The following ZYG11B variants were observed in gnomAD, a reference collection of about 807,000 sequenced individuals.
ZYG11B encodes the protein zyg-11 family member B, cell cycle regulator.
ZYG11B carries 36 observed loss-of-function variants against 82.4 expected under a neutral mutation model. That is an observed-to-expected ratio of 0.44 (90% CI 0.33 to 0.58). The LOEUF is 0.58. Among genes scored for constraint, ZYG11B ranks in the 20% least tolerant of loss-of-function variants. The pLI is 0.02. For missense variants in ZYG11B, 552 were observed against 895.6 expected (o/e 0.62, Z 4.90); for synonymous variants, 303 against 312.8 (o/e 0.97, Z 0.33).
At chr1:52,790,483 C>T (rs971420792) in intron 6 of ZYG11B, among the ~76,000 whole-genome samples, 14 of 152,022 alleles carry the variant, frequency 9.2e-5, no homozygotes, top group Admixed American at 5.9e-4. Context: ...ATAATCCCAG[C>T]GCTTTAGGAG....
chr1:52,767,203 T>G (rs1218889623), intron 2 of ZYG11B, among the ~76,000 whole-genome samples: 1 of 151,626 alleles, frequency 6.6e-6, no homozygotes, highest in African/African-American at 2.4e-5. Flanking sequence ...TTTATTTTAT[T>G]TTGTTATTTT....
chr1:52,737,451 G>A (rs1407970365), intron 1 of ZYG11B, among the ~76,000 whole-genome samples: 1 of 152,154 alleles, frequency 6.6e-6, no homozygotes, highest in Non-Finnish European at 1.5e-5. Flanking sequence ...TGCTTGACAT[G>A]TAGTAAGTAC....
rs549862978 is a variant in ZYG11B at position 52,799,189 on chromosome 1, T to G, written c.1485+2405T>G. Among the ~76,000 whole-genome samples, 10 of 151,294 alleles carry G rather than the reference T, an allele frequency of 6.6e-5. No individual in the cohort carries two copies. The East Asian group carries it at 1.9e-3, about 29-fold the overall frequency. Reference sequence around the variant, plus strand: ...AATCTAAAAAGTATAATAATAGAGATAAGAATGAAAAAAATAGGCCGGGCA... The same window carrying G: ...AATCTAAAAAGTATAATAATAGAGAGAAGAATGAAAAAAATAGGCCGGGCA... On this transcript the variant is annotated intron_variant, in intron 8 of 13. Coordinates refer to ENST00000294353, the MANE Select transcript of ZYG11B (RefSeq NM_024646.3).
At chr1:52,761,146 G>C (rs1012496115) in intron 2 of ZYG11B, among the ~76,000 whole-genome samples, 2 of 152,114 alleles carry the variant, frequency 1.3e-5, no homozygotes, top group African/African-American at 4.8e-5. Flanking sequence ...ACTGTATAGT[G>C]ATAAGATTGG....
intron 1 of ZYG11B, among the ~76,000 whole-genome samples, chr1:52,734,640 A>C (rs1644363044): frequency 1.3e-5 from 2 of 151,558 alleles, no homozygotes; most frequent in South Asian, 4.2e-4. Context: ...ACAAGAGTGA[A>C]ACTCTGGCTC....
At chr1:52,787,407 C>T (rs967345854) in intron 5 of ZYG11B, among the ~76,000 whole-genome samples, 27 of 152,110 alleles carry the variant, frequency 1.8e-4, no homozygotes, top group Admixed American at 2.0e-4. Flanking sequence ...GACTGTTAAA[C>T]ACAAAATTTA....
intron 10 of ZYG11B, among the ~76,000 whole-genome samples, chr1:52,808,635 G>A (rs1645160772): frequency 6.6e-6 from 1 of 151,990 alleles, no homozygotes; most frequent in East Asian, 1.9e-4. Flanking sequence ...CAAAGTGCTG[G>A]GCTTACAGGA....
chr1:52,793,868 T>TTTCC (rs751920808), intron 6 of ZYG11B, among the ~76,000 whole-genome samples: 6,888 of 95,476 alleles, frequency 0.072, 238 homozygotes, highest in South Asian at 0.11. Flanking sequence ...CTTTTCTTTC[T>TTTCC]TTCCTTCCTT....
chr1:52,750,233 G>A (rs1644509512), intron 1 of ZYG11B, among the ~76,000 whole-genome samples: 1 of 151,858 alleles, frequency 6.6e-6, no homozygotes, highest in Non-Finnish European at 1.5e-5. Context: ...AAAATGCTGG[G>A]CTTGCAAGTG....
chr1:52,742,320 C>CA (rs1046145797), intron 1 of ZYG11B, among the ~76,000 whole-genome samples: 6 of 152,050 alleles, frequency 3.9e-5, no homozygotes, highest in Non-Finnish European at 8.8e-5. Flanking sequence ...GACATGATGA[C>CA]ACGTGCCTGT....
intron 1 of ZYG11B, among the ~76,000 whole-genome samples, chr1:52,744,608 C>T (rs1367447084): frequency 1.3e-5 from 2 of 152,158 alleles, no homozygotes; most frequent in African/African-American, 2.4e-5. Context: ...TTTGGGAGGC[C>T]AAGGCGGGCG....
At chr1:52,813,229 G>C (rs1645198899) in intron 10 of ZYG11B, among the ~76,000 whole-genome samples, 1 of 152,122 alleles carries the variant, frequency 6.6e-6, no homozygotes, top group Admixed American at 6.6e-5. Context: ...GAGATTTGGG[G>C]TACAGGTCAT....
At chr1:52,813,133 T>C (rs1354895776) in intron 10 of ZYG11B, among the ~76,000 whole-genome samples, 1 of 152,238 alleles carries the variant, frequency 6.6e-6, no homozygotes, top group Admixed American at 6.5e-5. Flanking sequence ...CCTATCCCTG[T>C]GTGACTTTAG....
intron 12 of ZYG11B, among the ~76,000 whole-genome samples, chr1:52,815,812 G>A (rs1360486024): frequency 6.8e-6 from 1 of 146,978 alleles, no homozygotes; most frequent in African/African-American, 2.4e-5. Flanking sequence ...GCAGGCGCCT[G>A]TAGTCCCAGC....
At chr1:52,802,197 A>G in intron 10 of ZYG11B, 58 bp downstream of exon 10, 1 of 1,545,294 alleles carries the variant, frequency 6.5e-7, no homozygotes, top group Non-Finnish European at 8.8e-7. Context: ...TGTCTGAAGT[A>G]ACACATTGAA....
chr1:52,803,167 T>TATATAC (rs1308434375), intron 10 of ZYG11B, among the ~76,000 whole-genome samples: 2 of 62,776 alleles, frequency 3.2e-5, no homozygotes, highest in East Asian at 1.3e-3. Flanking sequence ...CATATATATA[T>TATATAC]ACACACATAT....
chr1:52,771,180 C>A lies in ZYG11B; in HGVS notation c.357C>A (p.Ile119=). Residue 119 remains isoleucine, a synonymous_variant, in exon 3 of 14, where the codon ATC becomes ATA. Coordinates refer to ENST00000294353, the MANE Select transcript of ZYG11B (RefSeq NM_024646.3). This position sits in a 1 kb window ranked among gnomAD's most constrained non-coding sequence, Gnocchi z 5.4. The part of the protein sequence containing the change: ...ELDATGVNAD[I]TITDIISGLG... ...ATGCCACAGGTGTGAATGCTGATAT[C>A]ACGATTACAGACATTATCAGTGGGC... 1.9e-6 allele frequency: 3 copies of A among 1,614,196 alleles called. No individual in the cohort carries two copies. The highest frequency in any genetic ancestry group is 2.5e-6 in the Non-Finnish European group (3 of 1,180,036).
chr1:52,793,256 C>T (rs79888175), intron 6 of ZYG11B, among the ~76,000 whole-genome samples: 8,547 of 152,090 alleles, frequency 0.056, 591 homozygotes, highest in East Asian at 0.35. Context: ...AGAATGTAAT[C>T]CCAGCACTTT....
intron 2 of ZYG11B, among the ~76,000 whole-genome samples, chr1:52,761,960 GTCT>G (rs1384587745): frequency 6.6e-6 from 1 of 152,060 alleles, no homozygotes; most frequent in Non-Finnish European, 1.5e-5. Context: ...CCATTTGTAT[GTCT>G]TCTTTTGAGA....
Sources: allele counts gnomAD v4.1 joint callset (sites outside exome capture counted in the v4.1 genomes callset), GRCh38; gene constraint gnomAD v4.1.1; non-coding constraint Gnocchi (gnomAD v3.1); transcripts MANE v1.5; gene names NCBI Gene and HGNC (gene_info 2026-07-23, HGNC 2026-07-21).